Variants in NTSR2 observed in about 807,000 individuals in gnomAD.
NTSR2 encodes the protein neurotensin receptor type 2.
Under a neutral mutation model 24.1 loss-of-function variants are expected in NTSR2, and 22 were observed. That is an observed-to-expected ratio of 0.91 (90% CI 0.65 to 1.30). NTSR2 has a LOEUF of 1.30. Among genes scored for constraint, NTSR2 ranks in the 50% most tolerant of loss-of-function variants. The pLI is 0.00. For synonymous variants in NTSR2, 291 were observed against 267.0 expected (o/e 1.09, Z -0.88); for missense variants, 570 against 570.4 (o/e 1.00, Z 0.01).
rs754066224 is a variant in NTSR2 at position 11,660,035 on chromosome 2, ACACT to A, written c.989+4_989+7del. 2.0e-5 allele frequency: 33 copies of A among 1,611,414 alleles called. No individual in the cohort carries two copies. Among genetic ancestry groups the A allele is most frequent in the Admixed American group, 1.2e-4 (7 of 59,986 alleles). On this transcript the variant is annotated splice_donor_5th_base_variant and intron_variant, in intron 3 of 3. Coordinates refer to ENST00000306928, the MANE Select transcript of NTSR2 (RefSeq NM_012344.4). ...CCCTGTGTGCTAGGGTCCTTCTGCC[ACACT>A]CACTCAGTCCACGCGTCATCAGGTA... is the stretch of plus-strand genomic sequence containing the variant.
intron 2 of NTSR2, among the ~76,000 whole-genome samples, chr2:11,661,010 C>T (rs1487760395): frequency 1.3e-5 from 2 of 152,184 alleles, no homozygotes; most frequent in Non-Finnish European, 1.5e-5. Flanking sequence ...TTCCCAACCT[C>T]CCACCCCTTC....
At position 11,669,563 on chromosome 2, in the gene NTSR2, G is replaced by A; in HGVS notation, c.567C>T (p.Pro189=). Residue 189 remains proline (P), a synonymous_variant, in exon 1 of 4, where the codon CCC becomes CCT. Transcript: ENST00000306928. ...CCAGCACCGTGCACACTCGCGAGGC[G>A]GGCTCCGGCTCCCCGTCCGCCGTCT... ...ELETADGEPE[P]ASRVCTVLVS... is the part of the protein sequence containing the mutation. 1 of 1,561,224 alleles carries A rather than the reference G, an allele frequency of 6.4e-7. No homozygotes were observed. The highest frequency in any genetic ancestry group is 8.6e-7 in the Non-Finnish European group (1 of 1,161,166).
chr2:11,669,879 A>G lies in NTSR2; in HGVS notation c.251T>C (p.Leu84Pro). ...GTAGAGCTCCACCGGCACGCCGACC[A>G]GCAGCAGCAGCAGGCCCGCGAGCGC... ...SLALAGLLLL[L>P]VGVPVELYSF... Residue 84 changes from leucine (L) to proline (P), a missense_variant, in exon 1 of 4, where the codon CTG becomes CCG. Transcript: ENST00000306928. 6.5e-7 allele frequency: 1 copy of G among 1,548,010 alleles called. No homozygotes were observed. Among genetic ancestry groups the G allele is most frequent in the East Asian group, 2.4e-5 (1 of 42,112 alleles).
intron 1 of NTSR2, among the ~76,000 whole-genome samples, chr2:11,665,034 A>G (rs920695762): frequency 2.5e-4 from 36 of 146,092 alleles, no homozygotes; most frequent in African/African-American, 8.9e-4. Context: ...AAACACAAAC[A>G]TTGCTTGGCA....
In NTSR2 at chr2:11,669,642, G is replaced by A. The variant is rs761274641; in HGVS notation, c.488C>T (p.Ser163Leu). The change falls in exon 1 of 4, where the codon TCG (serine) becomes TTG (leucine). Residue 163 changes from serine (S) to leucine (L), a missense_variant. Ser to Leu is a moderately radical substitution (Grantham distance 145, BLOSUM62 -2). Coordinates refer to ENST00000306928, the MANE Select transcript of NTSR2 (RefSeq NM_012344.4). The part of the protein sequence containing the change: ...RWLVALSWAA[S>L]LGLALPMAVI... ...GGCCATGGGCAGGGCGAGGCCGAGC[G>A]AGGCGGCCCACGAGAGCGCCACCAG... is the stretch of plus-strand genomic sequence containing the variant. 9.0e-6 allele frequency: 14 copies of A among 1,561,284 alleles called. No homozygotes were observed. The highest frequency in any genetic ancestry group is 1.4e-5 in the African/African-American group (1 of 73,240).
chr2:11,664,207 C>T (rs1661143682), intron 1 of NTSR2, among the ~76,000 whole-genome samples: 2 of 151,532 alleles, frequency 1.3e-5, no homozygotes, highest in African/African-American at 2.4e-5. Context: ...ACCTCTGCCT[C>T]CTGGGCTCAA....
At chr2:11,659,917 G>A (rs1401611876) in intron 3 of NTSR2, 126 bp downstream of exon 3, 1 of 679,570 alleles carries the variant, frequency 1.5e-6, no homozygotes, top group Non-Finnish European at 2.6e-6. Flanking sequence ...ACGGGACCAG[G>A]TGGAATGCGG....
intron 1 of NTSR2, among the ~76,000 whole-genome samples, chr2:11,668,197 T>C (rs190603708): frequency 7.0e-4 from 106 of 152,328 alleles, no homozygotes; most frequent in African/African-American, 2.4e-3. Context: ...TGGATTTCTC[T>C]TGGTCATGAA....
intron 1 of NTSR2, among the ~76,000 whole-genome samples, chr2:11,662,836 G>C (rs1392653471): frequency 6.6e-6 from 1 of 152,196 alleles, no homozygotes; most frequent in South Asian, 2.1e-4. Context: ...TGAGCTTCTA[G>C]ACTGAAAGGC....
intron 1 of NTSR2, among the ~76,000 whole-genome samples, chr2:11,666,400 C>T (rs746074675): frequency 8.5e-5 from 13 of 152,214 alleles, no homozygotes; most frequent in East Asian, 3.9e-4. Flanking sequence ...TAAAAAACAA[C>T]GAACAAAAAG....
In NTSR2 at chr2:11,658,375, C is replaced by T. The variant is rs1660977046; in HGVS notation, c.*104G>A. 1.4e-6 allele frequency: 2 copies of T among 1,480,334 alleles called. No individual in the cohort carries two copies. The highest frequency in any genetic ancestry group is 1.8e-6 in the Non-Finnish European group (2 of 1,105,390). The allele number at this position is 1,480,334 out of a possible 1,614,324, so 91.7% of individuals were successfully genotyped here. A position where few individuals can be genotyped will look rare whatever the true frequency, so the allele number is the denominator to read the frequency against. ...AGAGCAGGGGTTGATAGAAGTCGCC[C>T]TGGCTGCGAAGCTTGAATGATTAGT... On this transcript the variant is annotated 3_prime_UTR_variant, in exon 4 of 4. Transcript: ENST00000306928.
At chr2:11,663,740 G>A (rs1661132648) in intron 1 of NTSR2, among the ~76,000 whole-genome samples, 1 of 152,134 alleles carries the variant, frequency 6.6e-6, no homozygotes, top group Non-Finnish European at 1.5e-5. Flanking sequence ...CAGAAGGCAG[G>A]GACAGGAATG....
At chr2:11,659,332 G>T (rs1212260244) in intron 3 of NTSR2, among the ~76,000 whole-genome samples, 2 of 152,250 alleles carry the variant, frequency 1.3e-5, no homozygotes, top group African/African-American at 2.4e-5. Flanking sequence ...GGACTGCTGC[G>T]TGTGGTCAGG....
In NTSR2 at chr2:11,661,959, G is replaced by T; in HGVS notation, c.898+8C>A. 3 of 1,570,120 alleles carry T rather than the reference G, an allele frequency of 1.9e-6. No individual in the cohort carries two copies. Among genetic ancestry groups the T allele is most frequent in the Non-Finnish European group, 2.6e-6 (3 of 1,157,826 alleles). The stretch of plus-strand genomic sequence containing the variant: ...TTTCTTCTGGGGTGATGTTACAGAG[G>T]ACTTAACTGAGAACCTGGACGCTGC... On this transcript the variant is annotated splice_region_variant and intron_variant, in intron 2 of 3. Transcript: ENST00000306928.
intron 1 of NTSR2, among the ~76,000 whole-genome samples, chr2:11,662,577 C>G (rs1238774318): frequency 6.6e-6 from 1 of 152,078 alleles, no homozygotes; most frequent in Admixed American, 6.5e-5. Context: ...GTCAGGAGAT[C>G]GAGACCATCC....
chr2:11,669,923 G>A lies in NTSR2; in HGVS notation c.207C>T (p.Arg69=), dbSNP rs1230955723. The A allele has an allele frequency of 1.3e-6, 2 of 1,539,110 alleles. No individual in the cohort carries two copies. The highest frequency in any genetic ancestry group is 1.7e-6 in the Non-Finnish European group (2 of 1,149,254). The stretch of plus-strand genomic sequence containing the variant: ...CGAGCGCCAGGCTGAGCACGTGGTG[G>A]CGCAGGCGCCCCGCGCGCCCGGCCC... ...KARAGRAGRL[R]HHVLSLALAG... is the part of the protein sequence containing the mutation. Residue 69 remains arginine, a synonymous_variant, in exon 1 of 4, where the codon CGC becomes CGT. Coordinates refer to ENST00000306928, the MANE Select transcript of NTSR2 (RefSeq NM_012344.4).
Position 11,669,521 on chromosome 2 carries a change from G to C in NTSR2, c.609C>G (p.Leu203=), listed in dbSNP as rs1420968975. The part of the protein sequence containing the change: ...VCTVLVSRTA[L]QVFIQVNVLV... ...ACGCCCTTACCTGGATAAAGACTTG[G>C]AGCGCGGTGCGGCTCACCAGCACCG... The change falls in exon 1 of 4, where the codon CTC becomes CTG. Residue 203 remains leucine, a synonymous_variant. Coordinates refer to ENST00000306928, the MANE Select transcript of NTSR2 (RefSeq NM_012344.4). 1 of 1,293,506 alleles carries C rather than the reference G, an allele frequency of 7.7e-7. No individual in the cohort carries two copies. The highest frequency in any genetic ancestry group is 3.2e-5 in the Admixed American group (1 of 31,538). The allele number at this position is 1,293,506 out of a possible 1,614,324, so 80.1% of individuals were successfully genotyped here. A position where few individuals can be genotyped will look rare whatever the true frequency, so the allele number is the denominator to read the frequency against.
chr2:11,665,384 TTAG>T (rs1661174080), intron 1 of NTSR2: 1 of 152,180 alleles, frequency 6.6e-6, no homozygotes, highest in Admixed American at 6.5e-5. Flanking sequence ...CGTTCTGACA[TTAG>T]TAGTTCTGCA....
In NTSR2 at chr2:11,669,935, C is replaced by A. The variant is rs767778874; in HGVS notation, c.195G>T (p.Ala65=). 2.0e-6 allele frequency: 3 copies of A among 1,523,014 alleles called. No individual in the cohort carries two copies. In the South Asian group the frequency reaches 3.7e-5, roughly 19 times the overall value. The allele number at this position is 1,523,014 out of a possible 1,614,324, so 94.3% of individuals were successfully genotyped here. Residue 65 remains alanine, a synonymous_variant, in exon 1 of 4, where the codon GCG becomes GCT. Coordinates refer to ENST00000306928, the MANE Select transcript of NTSR2 (RefSeq NM_012344.4). ...TGAGCACGTGGTGGCGCAGGCGCCC[C>A]GCGCGCCCGGCCCGCGCCTTCAGCA... ...HVVLKARAGR[A]GRLRHHVLSL... is the part of the protein sequence containing the mutation.
Sources: gnomAD v4.1 joint callset for allele counts (sites outside exome capture counted in the v4.1 genomes callset) on GRCh38, gnomAD v4.1.1 for gene constraint, MANE v1.5 for transcripts, NCBI Gene and HGNC (gene_info 2026-07-23, HGNC 2026-07-21) for gene names.